The following TM2D3 variants were observed in gnomAD, a reference collection of about 807,000 sequenced individuals.
The protein encoded by TM2D3 is TM2 domain-containing protein 3.
A neutral mutation model predicts 27.3 loss-of-function variants in TM2D3; 33 were observed. The ratio of observed to expected loss-of-function variants is 1.21; its 90% CI spans 0.92 to 1.61. The LOEUF (loss-of-function observed/expected upper bound fraction) is 1.61. TM2D3 is among the 40% of genes most tolerant of loss of function. The pLI is 0.00. For missense variants in TM2D3, 364 were observed against 320.8 expected (o/e 1.13, Z -1.03); for synonymous variants, 138 against 122.2 (o/e 1.13, Z -0.85).
rs760740696 is a variant in TM2D3, at chr15:101,652,335, C to T, written c.27G>A (p.Arg9=). 46 of 1,601,750 alleles carry T rather than the reference C, an allele frequency of 2.9e-5. No individual in the cohort carries two copies. Among genetic ancestry groups the T allele is most frequent in the Admixed American group, 3.4e-5 (2 of 59,422 alleles). The change falls in exon 1 of 6, where the codon AGG becomes AGA. Residue 9 remains arginine (R), a synonymous_variant. Coordinates refer to ENST00000333202, the MANE Select transcript of TM2D3 (RefSeq NM_078474.3). ...GCACGCGACACAAGGCGCGGAGGCC[C>T]CTCAGCGGGAGCACCCCTCCCGCCA... MAGGVLPL[R]GLRALCRVLL...
chr15:101,646,203 C>A (rs527633478), intron 4 of TM2D3: 129 of 153,970 alleles, frequency 8.4e-4, no homozygotes, highest in Non-Finnish European at 1.7e-3. Context: ...ATCCTAGAGC[C>A]ACAATGTTTA....
chr15:101,637,112 A>G (rs1896568488), downstream of TM2D3, among the ~76,000 whole-genome samples: 1 of 152,358 alleles, frequency 6.6e-6, no homozygotes, highest in South Asian at 2.1e-4. Flanking sequence ...CTGGAAAGGC[A>G]GGACAGCTCG....
In TM2D3 at chr15:101,642,427, G is replaced by A. The variant is rs1896691208; in HGVS notation, c.*52C>T. The A allele has an allele frequency of 5.9e-6, 9 of 1,519,960 alleles. No homozygotes were observed. Among genetic ancestry groups the A allele is most frequent in the Admixed American group, 4.2e-5 (2 of 47,912 alleles). 94.2% of individuals were successfully genotyped at this position (1,519,960 alleles called of 1,614,324 possible). A position where few individuals can be genotyped will look rare whatever the true frequency, so the allele number is the denominator to read the frequency against. On this transcript the variant is annotated 3_prime_UTR_variant, in exon 6 of 6. Coordinates refer to ENST00000333202, the MANE Select transcript of TM2D3 (RefSeq NM_078474.3). Reference sequence around the variant, plus strand: ...TCACTCACACCACATCAACTCCTACGGACAAAAGGGCTTTTTCTAAGCCCT... The same window carrying A: ...TCACTCACACCACATCAACTCCTACAGACAAAAGGGCTTTTTCTAAGCCCT...
intron 3 of TM2D3, among the ~76,000 whole-genome samples, chr15:101,649,718 G>A (rs768283915): frequency 6.6e-5 from 10 of 152,200 alleles, no homozygotes; most frequent in Admixed American, 1.3e-4. Flanking sequence ...AGATATGCTA[G>A]TAGACTGAGA....
exon 5 of TM2D3, chr15:101,633,350 G>A (rs1313451315): frequency 3.5e-6 from 1 of 283,002 alleles, no homozygotes; most frequent in Non-Finnish European, 6.6e-6. Flanking sequence ...CGCTTAGCTG[G>A]ATTCTCTGTT....
Position 101,646,371 on chromosome 15 carries a change from TG to T in TM2D3, c.502+353del, listed in dbSNP as rs1164083894. ...AAAAAATTCAAAAGGGTGGTTACCTTGGAAGAGGAGGAAAGGCAACCAGGTG... is the reference window on the plus strand; with the variant it reads ...AAAAAATTCAAAAGGGTGGTTACCTTGAAGAGGAGGAAAGGCAACCAGGTG... On this transcript the variant is annotated intron_variant, in intron 4 of 5. Coordinates refer to ENST00000333202, the MANE Select transcript of TM2D3 (RefSeq NM_078474.3). The T allele has an allele frequency of 2.8e-4, 30 of 106,762 alleles. No individual in the cohort carries two copies. The East Asian group carries it at 3.4e-3, about 12-fold the overall frequency. 6.6% of individuals were successfully genotyped at this position (106,762 alleles called of 1,614,324 possible).
chr15:101,648,951 C>T (rs1185545257), intron 3 of TM2D3, among the ~76,000 whole-genome samples: 1 of 152,104 alleles, frequency 6.6e-6, no homozygotes, highest in Non-Finnish European at 1.5e-5. Context: ...TATGGCAAAT[C>T]GCCTACAAGA....
downstream of TM2D3, among the ~76,000 whole-genome samples, chr15:101,641,499 T>C (rs1896667002): frequency 6.6e-6 from 1 of 152,244 alleles, no homozygotes; most frequent in Non-Finnish European, 1.5e-5. Context: ...AGCTTCTAGA[T>C]ATGATATGGT....
At chr15:101,651,993 G>A (rs1253104063) in intron 1 of TM2D3, 14 of 591,730 alleles carry the variant, frequency 2.4e-5, no homozygotes, top group Non-Finnish European at 3.8e-5. Context: ...ATGACATCGC[G>A]CTCCAGTTCC....
At position 101,641,953 on chromosome 15, in the gene TM2D3, A is replaced by G; in HGVS notation, c.*526T>C. The G allele has an allele frequency of 1.0e-6, 1 of 985,362 alleles. No individual in the cohort carries two copies. Among genetic ancestry groups the G allele is most frequent in the Non-Finnish European group, 1.2e-6 (1 of 829,840 alleles). The allele number at this position is 985,362 out of a possible 1,614,324, so 61.0% of individuals were successfully genotyped here. On this transcript the variant is annotated 3_prime_UTR_variant, in exon 6 of 6. Transcript: ENST00000333202. ...CATAAACATTCTGCAGTTTAATTCA[A>G]ATTTTCATATATACAGACCAGACTA...
downstream of TM2D3, among the ~76,000 whole-genome samples, chr15:101,640,362 G>GA (rs1389793435): frequency 6.6e-6 from 1 of 152,118 alleles, no homozygotes; most frequent in Non-Finnish European, 1.5e-5. Flanking sequence ...ATGTTATGAG[G>GA]AAGAAGGCCC....
rs567844890 is a variant in TM2D3 at position 101,636,658 on chromosome 15, A to C, written c.501-2930T>G. 7.2e-5 allele frequency: 13 copies of C among 179,528 alleles called. No homozygotes were observed. The Admixed American group carries it at 8.2e-4, about 11-fold the overall frequency. The allele number at this position is 179,528 out of a possible 1,614,324, so 11.1% of individuals were successfully genotyped here. On this transcript the variant is annotated intron_variant, in intron 4 of 4. Coordinates refer to the TM2D3 transcript ENST00000428002. ...TTTTGGTGCTGACAACTTTCACAACATATCTCCACTTCTCTTGGGTGTATA... is the reference window on the plus strand; with the variant it reads ...TTTTGGTGCTGACAACTTTCACAACCTATCTCCACTTCTCTTGGGTGTATA...
At position 101,642,108 on chromosome 15, in the gene TM2D3, C is replaced by A. The variant is rs779434759; in HGVS notation, c.*371G>T. ...GCTAACAATAAAAACACTCCCACTT[C>A]CTGCAGTCACAGCTGAAAGACTTTT... On this transcript the variant is annotated 3_prime_UTR_variant, in exon 6 of 6. Coordinates refer to ENST00000333202, the MANE Select transcript of TM2D3 (RefSeq NM_078474.3). 2.0e-6 allele frequency: 2 copies of A among 992,408 alleles called. No individual in the cohort carries two copies. Among genetic ancestry groups the A allele is most frequent in the Non-Finnish European group, 2.4e-6 (2 of 834,482 alleles). The allele number at this position is 992,408 out of a possible 1,614,324, so 61.5% of individuals were successfully genotyped here.
rs764913906 is a variant in TM2D3 at position 101,646,746 on chromosome 15, G to A, written c.481C>T (p.Arg161Trp). 21 of 1,613,978 alleles carry A rather than the reference G, an allele frequency of 1.3e-5. No homozygotes were observed. Among genetic ancestry groups the A allele is most frequent in the Middle Eastern group, 1.6e-4 (1 of 6,084 alleles). Residue 161 changes from arginine (R) to tryptophan (W), a missense_variant, in exon 4 of 6, where the codon CGG becomes TGG. Coordinates refer to ENST00000333202, the MANE Select transcript of TM2D3 (RefSeq NM_078474.3). The stretch of plus-strand genomic sequence containing the variant: ...CTACCCAAGCAGTGGACGTGGTCCC[G>A]CACCGTGCAGTTGGCAGGGTAGCGC... Reference protein sequence around the residue: ...RQRYPANCTVRDHVHCLGNRT... With the variant: ...RQRYPANCTVWDHVHCLGNRT...
At chr15:101,649,287 T>A (rs1896905209) in intron 3 of TM2D3, among the ~76,000 whole-genome samples, 1 of 152,196 alleles carries the variant, frequency 6.6e-6, no homozygotes. Flanking sequence ...TAGTTTGCCA[T>A]GTCTTTTGCC....
At chr15:101,644,474 T>C (rs914220273) in intron 5 of TM2D3, among the ~76,000 whole-genome samples, 4 of 152,178 alleles carry the variant, frequency 2.6e-5, no homozygotes, top group East Asian at 1.9e-4. Flanking sequence ...AATCCTGCCC[T>C]ATGGCTGCAA....
chr15:101,651,589 T>G (rs1269514005), intron 2 of TM2D3, 107 bp downstream of exon 2: 2 of 1,109,664 alleles, frequency 1.8e-6, no homozygotes, highest in Non-Finnish European at 2.7e-6. Flanking sequence ...CAATAAATAT[T>G]CAAAAATGGA....
rs1181303110 is a variant in TM2D3 at position 101,642,575 on chromosome 15, G to A, written c.648C>T (p.Leu216=). ...ATATTCCCAGGCCACCGAAGCTGAA[G>A]AGCTTGCCGAGGCCTTCCCGCCACT... The part of the protein sequence containing the change: ...LGQWREGLGK[L]FSFGGLGIWT... Residue 216 remains leucine (L), a synonymous_variant, in exon 6 of 6, where the codon CTC becomes CTT. Coordinates refer to ENST00000333202, the MANE Select transcript of TM2D3 (RefSeq NM_078474.3). The A allele has an allele frequency of 1.2e-6, 2 of 1,612,514 alleles. No homozygotes were observed. The highest frequency in any genetic ancestry group is 1.7e-6 in the Non-Finnish European group (2 of 1,179,774).
Position 101,642,149 on chromosome 15 carries a change from T to A in TM2D3, c.*330A>T. 1 of 1,009,480 alleles carries A rather than the reference T, an allele frequency of 9.9e-7. No individual in the cohort carries two copies. Among genetic ancestry groups the A allele is most frequent in the Non-Finnish European group, 1.2e-6 (1 of 846,024 alleles). The allele number at this position is 1,009,480 out of a possible 1,614,324, so 62.5% of individuals were successfully genotyped here. On this transcript the variant is annotated 3_prime_UTR_variant, in exon 6 of 6. Coordinates refer to ENST00000333202, the MANE Select transcript of TM2D3 (RefSeq NM_078474.3). The stretch of plus-strand genomic sequence containing the variant: ...AAAGACTTTTCAAGGCAGACTACAT[T>A]TGGGCTGGAGATACAAGTGATGTAG...
Sources: gnomAD v4.1 joint callset for allele counts (sites outside exome capture counted in the v4.1 genomes callset) on GRCh38, gnomAD v4.1.1 for gene constraint, MANE v1.5 for transcripts, NCBI Gene and HGNC (gene_info 2026-07-23, HGNC 2026-07-21) for gene names.